Variants in NCOA1 observed in about 807,000 individuals in gnomAD.
The protein encoded by NCOA1 is nuclear receptor coactivator 1.
NCOA1 carries 35 observed loss-of-function variants against 150.9 expected under a neutral mutation model. The observed-to-expected ratio is 0.23, with a 90% CI of 0.18 to 0.31. The LOEUF (loss-of-function observed/expected upper bound fraction) is 0.31, where lower values mean the gene tolerates loss of function less well. Among genes scored for constraint, NCOA1 ranks in the 10% least tolerant of loss-of-function variants. NCOA1 has a pLI of 1.00. For synonymous variants in NCOA1, 590 were observed against 630.0 expected (o/e 0.94, Z 0.95); for missense variants, 1,491 against 1,749.3 (o/e 0.85, Z 2.63).
At chr2:24,522,745 A>G (rs183469076) in intron 1 of NCOA1, among the ~76,000 whole-genome samples, 5 of 152,360 alleles carry the variant, frequency 3.3e-5, no homozygotes, top group Admixed American at 3.3e-4. Flanking sequence ...GAAAAGATGA[A>G]GTAAAAATTT....
At chr2:24,507,262 A>G (rs1387582903) in intron 1 of NCOA1, among the ~76,000 whole-genome samples, 1 of 152,084 alleles carries the variant, frequency 6.6e-6, no homozygotes, top group Non-Finnish European at 1.5e-5. Context: ...TCTCTCTGCT[A>G]CTGCCTAGTT....
intron 2 of NCOA1, among the ~76,000 whole-genome samples, chr2:24,582,460 C>CA (rs1667232734): frequency 6.6e-6 from 1 of 151,956 alleles, no homozygotes; most frequent in South Asian, 2.1e-4. Flanking sequence ...AGAGGTCCTA[C>CA]AAAAAATGGA....
intron 22 of NCOA1, chr2:24,767,975 G>A (rs1665152081): frequency 2.7e-6 from 3 of 1,116,764 alleles, no homozygotes; most frequent in Middle Eastern, 3.0e-4. Flanking sequence ...AGTATTGATG[G>A]CAACCCTATA....
rs550713862 is a variant in NCOA1 at position 24,520,827 on chromosome 2, A to G, written c.-396+29225A>G. ...AAGTCTTGTGAATGGGAAAAGGTCAAAGTCTGTGTAGTGTCCTACAAAGCT... is the reference window on the plus strand; with the variant it reads ...AAGTCTTGTGAATGGGAAAAGGTCAGAGTCTGTGTAGTGTCCTACAAAGCT... On this transcript the variant is annotated intron_variant, in intron 1 of 22. Transcript: ENST00000348332. Among the ~76,000 whole-genome samples, 10 of 152,306 alleles carry G rather than the reference A, an allele frequency of 6.6e-5. No homozygotes were observed. In the South Asian group the frequency reaches 1.2e-3, roughly 19 times the overall value.
At chr2:24,763,275 C>T (rs1049015739) in intron 22 of NCOA1, among the ~76,000 whole-genome samples, 5 of 152,048 alleles carry the variant, frequency 3.3e-5, no homozygotes, top group Non-Finnish European at 5.9e-5. Flanking sequence ...CGCGGTGGCT[C>T]ATGCCTGTAA....
rs948380091 is a variant in NCOA1 at position 24,638,924 on chromosome 2, T to C, written c.-174-5042T>C. ...TATTAATCTCCTGTCAGAAGATTGG[T>C]TTTTGAATTTTAAATCAGCCTTACA... On this transcript the variant is annotated intron_variant, in intron 3 of 22. Transcript: ENST00000348332. 3.3e-5 allele frequency among the ~76,000 whole-genome samples: 5 copies of C among 152,278 alleles called. No homozygotes were observed. In the South Asian group the frequency reaches 1.0e-3, roughly 32 times the overall value.
At chr2:24,674,769 A>G (rs1671831166) in intron 7 of NCOA1, among the ~76,000 whole-genome samples, 1 of 151,694 alleles carries the variant, frequency 6.6e-6, no homozygotes, top group African/African-American at 2.4e-5. Flanking sequence ...TTTTAAGCTC[A>G]TTTCCTCCCT....
chr2:24,671,344 T>C (rs1234670665), intron 6 of NCOA1, among the ~76,000 whole-genome samples: 1 of 152,078 alleles, frequency 6.6e-6, no homozygotes, highest in African/African-American at 2.4e-5. Context: ...AATCTGAGTA[T>C]GCTCAAGTCC....
chr2:24,607,243 A>T (rs1173519777), intron 3 of NCOA1, among the ~76,000 whole-genome samples: 3 of 150,710 alleles, frequency 2.0e-5, no homozygotes, highest in Admixed American at 2.0e-4. Flanking sequence ...GATAAGTTGG[A>T]ATAACAGGAT....
intron 4 of NCOA1, among the ~76,000 whole-genome samples, chr2:24,655,343 A>G (rs1200003889): frequency 6.6e-6 from 1 of 152,192 alleles, no homozygotes; most frequent in Non-Finnish European, 1.5e-5. Context: ...TATAATCTAT[A>G]TGCTTGTATA....
intron 20 of NCOA1, 80 bp downstream of exon 20, chr2:24,752,236 A>G: frequency 1.4e-6 from 2 of 1,449,132 alleles, no homozygotes; most frequent in Non-Finnish European, 1.9e-6. Flanking sequence ...CAGTGGTTGA[A>G]CCTCAGGAAC....
chr2:24,673,485 G>A, intron 7 of NCOA1, 22 bp downstream of exon 7: 1 of 1,507,630 alleles, frequency 6.6e-7, no homozygotes, highest in Admixed American at 2.1e-5. Context: ...CATTGACTCA[G>A]AAAGTGATTA....
intron 14 of NCOA1, 117 bp downstream of exon 14, chr2:24,711,228 A>T: frequency 6.2e-6 from 6 of 964,240 alleles, no homozygotes; most frequent in Non-Finnish European, 7.4e-6. Context: ...CTTTTTATTA[A>T]TGCCACTATA....
chr2:24,636,320 G>A (rs1214411789), intron 3 of NCOA1, among the ~76,000 whole-genome samples: 5 of 151,984 alleles, frequency 3.3e-5, no homozygotes, highest in Admixed American at 1.3e-4. Context: ...TAATTCCAAA[G>A]TATTTTGTTT....
chr2:24,725,952 A>T (rs2148634051), intron 14 of NCOA1, among the ~76,000 whole-genome samples: 1 of 152,258 alleles, frequency 6.6e-6, no homozygotes, highest in East Asian at 1.9e-4. Context: ...AATAGTACAG[A>T]GATGATCATA....
chr2:24,749,262 G>A (rs1664097085), intron 19 of NCOA1, among the ~76,000 whole-genome samples: 1 of 152,140 alleles, frequency 6.6e-6, no homozygotes, highest in Non-Finnish European at 1.5e-5. Context: ...CAGGAGCCAG[G>A]CCATTTCCCT....
At chr2:24,525,690 G>A (rs147538183) in intron 1 of NCOA1, among the ~76,000 whole-genome samples, 8 of 152,044 alleles carry the variant, frequency 5.3e-5, no homozygotes, top group African/African-American at 1.4e-4. Context: ...GGGATTATAG[G>A]CATGCGTCAC....
chr2:24,508,843 C>A (rs76062794), intron 1 of NCOA1, among the ~76,000 whole-genome samples: 1 of 152,096 alleles, frequency 6.6e-6, no homozygotes, highest in Non-Finnish European at 1.5e-5. Context: ...CACACAAAAT[C>A]TCTGGTTATC....
intron 17 of NCOA1, among the ~76,000 whole-genome samples, chr2:24,730,803 A>T (rs1035472307): frequency 3.4e-5 from 5 of 147,644 alleles, no homozygotes; most frequent in African/African-American, 1.0e-4. Flanking sequence ...AGGCGGGTGG[A>T]TCACTTGAGG....
Sources: gnomAD v4.1 joint callset for allele counts (sites outside exome capture counted in the v4.1 genomes callset) on GRCh38, gnomAD v4.1.1 for gene constraint, MANE v1.5 for transcripts, NCBI Gene and HGNC (gene_info 2026-07-23, HGNC 2026-07-21) for gene names.